GALNT10: variants seen among roughly 807,000 people sequenced by gnomAD.
GALNT10 encodes the protein GalNAc transferase 10.
A neutral mutation model predicts 75.0 loss-of-function variants in GALNT10; 41 were observed. The observed-to-expected ratio is 0.55, with a 90% CI of 0.43 to 0.71. The LOEUF is 0.71. Among genes scored for constraint, GALNT10 ranks in the 30% least tolerant of loss-of-function variants. GALNT10 has a pLI of 0.00. For missense variants in GALNT10, 727 were observed against 818.5 expected (o/e 0.89, Z 1.36); for synonymous variants, 302 against 313.0 (o/e 0.96, Z 0.37).
chr5:154,244,486 T>A (rs73293374), intron 1 of GALNT10, among the ~76,000 whole-genome samples: 25,543 of 152,078 alleles, frequency 0.17, 2,269 homozygotes, highest in Non-Finnish European at 0.19. Context: ...TGAAAGGCTT[T>A]TTTGGGGGAA....
intron 1 of GALNT10, among the ~76,000 whole-genome samples, chr5:154,268,343 C>A (rs1318006077): frequency 6.6e-6 from 1 of 152,136 alleles, no homozygotes; most frequent in Non-Finnish European, 1.5e-5. Flanking sequence ...ACGAGTCCAC[C>A]ATAAAAGGTT....
Position 154,294,832 on chromosome 5 carries a change from A to C in GALNT10, c.176A>C (p.Gln59Pro). Residue 59 changes from glutamine to proline, a missense_variant, in exon 2 of 12, where the codon CAA (glutamine) becomes CCA (proline). Coordinates refer to ENST00000297107, the MANE Select transcript of GALNT10 (RefSeq NM_198321.4). ...PAAGQGSHSRQKKTFFLGDGQ... is the reference protein window; with the variant it reads ...PAAGQGSHSRPKKTFFLGDGQ... ...TTTTTTAAGGGCTCACACAGTCGAC[A>C]AAAGAAAACGTTTTTCTTGGGAGAT... The C allele has an allele frequency of 6.3e-7, 1 of 1,595,736 alleles. No individual in the cohort carries two copies. Among genetic ancestry groups the C allele is most frequent in the Non-Finnish European group, 8.6e-7 (1 of 1,163,152 alleles).
chr5:154,386,373 C>T lies in GALNT10; in HGVS notation c.999C>T (p.Gly333=), dbSNP rs1055201700. Residue 333 remains glycine, a synonymous_variant, in exon 7 of 12, where the codon GGC becomes GGT. Coordinates refer to ENST00000297107, the MANE Select transcript of GALNT10 (RefSeq NM_198321.4). ...AVDRKWFWEL[G]GYDPGLEIWG... is the part of the protein sequence containing the mutation. ...ATCGGAAGTGGTTCTGGGAACTCGG[C>T]GGGTATGACCCAGGCTTGGAGATCT... is the stretch of plus-strand genomic sequence containing the variant. 9.3e-6 allele frequency: 15 copies of T among 1,613,930 alleles called. No individual in the cohort carries two copies. Among genetic ancestry groups the T allele is most frequent in the Non-Finnish European group, 1.3e-5 (15 of 1,179,908 alleles).
intron 1 of GALNT10, among the ~76,000 whole-genome samples, chr5:154,225,552 G>A (rs753409019): frequency 2.7e-4 from 41 of 151,744 alleles, no homozygotes; most frequent in Non-Finnish European, 4.4e-4. Context: ...CACCACACTT[G>A]GCTAATTTTT....
At chr5:154,406,952 G>A (rs1025816562) in intron 8 of GALNT10, among the ~76,000 whole-genome samples, 3 of 152,208 alleles carry the variant, frequency 2.0e-5, no homozygotes, top group African/African-American at 2.4e-5. Flanking sequence ...GACTCCGGAA[G>A]GACAAACAGC....
chr5:154,232,256 T>A (rs1753162429), intron 1 of GALNT10, among the ~76,000 whole-genome samples: 1 of 152,252 alleles, frequency 6.6e-6, no homozygotes, highest in Non-Finnish European at 1.5e-5. Context: ...AACAGAATGC[T>A]GTTATCTGTC....
chr5:154,404,588 T>C (rs1365211255), intron 8 of GALNT10, among the ~76,000 whole-genome samples: 2 of 152,230 alleles, frequency 1.3e-5, no homozygotes, highest in African/African-American at 4.8e-5. Flanking sequence ...TTTAAGTTAA[T>C]GTGGATTCTA....
At chr5:154,302,703 G>A (rs573704284) in intron 3 of GALNT10, among the ~76,000 whole-genome samples, 1 of 152,258 alleles carries the variant, frequency 6.6e-6, no homozygotes, top group Admixed American at 6.5e-5. Context: ...ATGAACCTGT[G>A]TTGCAACAAA....
At chr5:154,222,480 A>T (rs115756711) in intron 1 of GALNT10, among the ~76,000 whole-genome samples, 3,962 of 152,268 alleles carry the variant, frequency 0.026, 76 homozygotes, top group Middle Eastern at 0.13. Context: ...TTGGGTAAAT[A>T]CTTAGGAATG....
intron 6 of GALNT10, among the ~76,000 whole-genome samples, chr5:154,385,587 C>T (rs1001826996): frequency 6.6e-6 from 1 of 152,200 alleles, no homozygotes; most frequent in African/African-American, 2.4e-5. Context: ...TATGCACCCT[C>T]TGTCTTGAGG....
intron 1 of GALNT10, among the ~76,000 whole-genome samples, chr5:154,245,934 A>G (rs1277528414): frequency 6.6e-6 from 1 of 151,198 alleles, no homozygotes; most frequent in African/African-American, 2.4e-5. Flanking sequence ...CATTAGGTAT[A>G]TCTCCTAATG....
intron 4 of GALNT10, among the ~76,000 whole-genome samples, chr5:154,330,359 G>A (rs1754837074): frequency 6.6e-6 from 1 of 152,260 alleles, no homozygotes; most frequent in Admixed American, 6.5e-5. Context: ...CCTCTTTGGT[G>A]AGTTAGGAAA....
chr5:154,220,082 G>A (rs1394115043), intron 1 of GALNT10: 2 of 152,072 alleles, frequency 1.3e-5, no homozygotes, highest in East Asian at 3.9e-4. Context: ...CCAAGTATGG[G>A]CTACTTATTT....
intron 7 of GALNT10, among the ~76,000 whole-genome samples, chr5:154,391,522 T>A (rs1263258449): frequency 6.6e-6 from 1 of 152,218 alleles, no homozygotes; most frequent in African/African-American, 2.4e-5. Flanking sequence ...ATCTTCCTAG[T>A]TCTAGTGGTT....
At chr5:154,267,666 A>G (rs927091119) in intron 1 of GALNT10, among the ~76,000 whole-genome samples, 1 of 152,210 alleles carries the variant, frequency 6.6e-6, no homozygotes, top group South Asian at 2.1e-4. Context: ...CCTTGCCAAC[A>G]TAGTGAGGTA....
At chr5:154,195,422 A>G (rs1774921318) in intron 1 of GALNT10, among the ~76,000 whole-genome samples, 2 of 152,222 alleles carry the variant, frequency 1.3e-5, no homozygotes, top group Admixed American at 6.5e-5. Flanking sequence ...GAGGTAGCGC[A>G]TATACACCTG....
At chr5:154,343,028 T>C (rs989742846) in intron 4 of GALNT10, among the ~76,000 whole-genome samples, 3 of 152,156 alleles carry the variant, frequency 2.0e-5, no homozygotes, top group African/African-American at 4.8e-5. Flanking sequence ...TGAGGAGTTA[T>C]GAAATATGAG....
At chr5:154,403,733 C>T in intron 7 of GALNT10, 1 of 309,128 alleles carries the variant, frequency 3.2e-6, no homozygotes. Flanking sequence ...TCAGCTAAAA[C>T]AGGGTTTAAA....
intron 4 of GALNT10, among the ~76,000 whole-genome samples, chr5:154,357,227 T>G (rs1249870816): frequency 1.3e-5 from 2 of 152,168 alleles, no homozygotes; most frequent in Non-Finnish European, 2.9e-5. Context: ...CAAAGATGAT[T>G]GCAAGGCAGG....
Sources: gnomAD v4.1 joint callset for allele counts (sites outside exome capture counted in the v4.1 genomes callset) on GRCh38, gnomAD v4.1.1 for gene constraint, MANE v1.5 for transcripts, NCBI Gene and HGNC (gene_info 2026-07-23, HGNC 2026-07-21) for gene names.